The following PTGER4 variants were observed in gnomAD, a reference collection of about 807,000 sequenced individuals.
PTGER4 encodes the protein prostaglandin E receptor 4.
Under a neutral mutation model 33.2 loss-of-function variants are expected in PTGER4, and 11 were observed. The ratio of observed to expected loss-of-function variants is 0.33; its 90% CI spans 0.21 to 0.55. The LOEUF (loss-of-function observed/expected upper bound fraction) is 0.55, where lower values mean the gene tolerates loss of function less well. PTGER4 is among the 20% of genes least tolerant of loss of function. PTGER4 has a pLI of 0.92. For synonymous variants in PTGER4, 275 were observed against 281.5 expected, an observed-to-expected ratio of 0.98 and a Z score of 0.23; for missense variants, 481 against 650.2, an observed-to-expected ratio of 0.74 and a Z score of 2.83.
chr5:40,688,561 T>C (rs1430684042), intron 2 of PTGER4, among the ~76,000 whole-genome samples: 1 of 152,170 alleles, frequency 6.6e-6, no homozygotes, highest in Non-Finnish European at 1.5e-5. Context: ...AAAGGCAACA[T>C]GGAGGTCCAG....
the PTGER4 span, among the ~76,000 whole-genome samples, chr5:40,699,504 A>G: frequency 6.6e-6 from 1 of 152,162 alleles, no homozygotes; most frequent in Admixed American, 6.5e-5. Context: ...AACATTTTTT[A>G]TGAGGGCAAC....
At chr5:40,745,653 C>G in the PTGER4 span, among the ~76,000 whole-genome samples, 1 of 151,320 alleles carries the variant, frequency 6.6e-6, no homozygotes, top group African/African-American at 2.4e-5. Flanking sequence ...CCTCTCAAAG[C>G]ACAGAAATTA....
chr5:40,705,675 A>G, the PTGER4 span, among the ~76,000 whole-genome samples: 1 of 152,262 alleles, frequency 6.6e-6, no homozygotes, highest in African/African-American at 2.4e-5. Flanking sequence ...GGACATGAAC[A>G]GACACTTTTC....
chr5:40,731,548 G>A, the PTGER4 span, among the ~76,000 whole-genome samples: 3 of 152,202 alleles, frequency 2.0e-5, 1 homozygote, highest in Non-Finnish European at 2.9e-5. Context: ...ATGGAGGCAC[G>A]AGAGAGAAAT....
downstream of PTGER4, among the ~76,000 whole-genome samples, chr5:40,698,092 C>CAAAAAAAAAAAAAAAAA (rs1156254550): frequency 3.0e-4 from 12 of 40,048 alleles, no homozygotes; most frequent in Non-Finnish European, 3.7e-4. Flanking sequence ...CCTGTCTCTA[C>CAAAAAAAAAAAAAAAAA]AAAAAAAAAA....
In PTGER4 at chr5:40,693,320, T is replaced by A. The variant is rs1021780998; in HGVS notation, c.*942T>A. ...TAATTGAAGTGTATAATATAAAAAA[T>A]TTTAAAAATCTAAGCAGCTTATTGT... On this transcript the variant is annotated 3_prime_UTR_variant, in exon 3 of 3. Coordinates refer to ENST00000302472, the MANE Select transcript of PTGER4 (RefSeq NM_000958.3). 15 of 979,134 alleles carry A rather than the reference T, an allele frequency of 1.5e-5. No homozygotes were observed. The highest frequency in any genetic ancestry group is 4.7e-5 in the South Asian group (1 of 21,128). 60.7% of individuals were successfully genotyped at this position (979,134 alleles called of 1,614,324 possible).
Position 40,693,019 on chromosome 5 carries a change from TATA to T in PTGER4, c.*643_*645del. 5.6e-6 allele frequency: 5 copies of T among 899,474 alleles called. No individual in the cohort carries two copies. Among genetic ancestry groups the T allele is most frequent in the Non-Finnish European group, 6.7e-6 (5 of 751,574 alleles). 55.7% of individuals were successfully genotyped at this position (899,474 alleles called of 1,614,324 possible). On this transcript the variant is annotated 3_prime_UTR_variant, in exon 3 of 3. Transcript: ENST00000302472. ...GTAAGATTGATATCTATAAAATAGA[TATA>T]AATTTTTAAGAGAAAGAATTTAGTA...
the PTGER4 span, among the ~76,000 whole-genome samples, chr5:40,704,332 G>A: frequency 1.3e-5 from 2 of 152,070 alleles, no homozygotes; most frequent in South Asian, 2.1e-4. Context: ...AAGGAACAAA[G>A]CTCAAAATAG....
Position 40,691,745 on chromosome 5 carries a change from G to A in PTGER4, c.868-34G>A. ...TTATATGTTTTCCCAATTGATTAAT[G>A]ATGAAATCTAAATGTGCGATCTCAC... On this transcript the variant is annotated intron_variant, in intron 2 of 2. Coordinates refer to ENST00000302472, the MANE Select transcript of PTGER4 (RefSeq NM_000958.3). This position sits in a 1 kb window ranked among gnomAD's most constrained non-coding sequence, Gnocchi z 4.2. 6.3e-7 allele frequency: 1 copy of A among 1,580,112 alleles called. No homozygotes were observed. Among genetic ancestry groups the A allele is most frequent in the Non-Finnish European group, 8.6e-7 (1 of 1,163,766 alleles).
At chr5:40,727,717 A>G in the PTGER4 span, among the ~76,000 whole-genome samples, 1 of 152,202 alleles carries the variant, frequency 6.6e-6, no homozygotes, top group Non-Finnish European at 1.5e-5. Flanking sequence ...GTAATGATCC[A>G]AAGAACTAAG....
chr5:40,717,954 C>T, the PTGER4 span, among the ~76,000 whole-genome samples: 8 of 151,664 alleles, frequency 5.3e-5, no homozygotes, highest in South Asian at 1.0e-3. Flanking sequence ...CCCAGCTACT[C>T]GTGAGGCTGA....
At chr5:40,723,317 G>A in the PTGER4 span, among the ~76,000 whole-genome samples, 1 of 151,936 alleles carries the variant, frequency 6.6e-6, no homozygotes, top group Non-Finnish European at 1.5e-5. Context: ...AGGGTCCTCT[G>A]CCTAGGAAAA....
the PTGER4 span, among the ~76,000 whole-genome samples, chr5:40,731,835 C>A: frequency 6.6e-6 from 1 of 152,210 alleles, no homozygotes; most frequent in Admixed American, 6.5e-5. Context: ...TTCATGAAGA[C>A]CTCCTCCAGT....
At chr5:40,727,539 A>T in the PTGER4 span, among the ~76,000 whole-genome samples, 1 of 152,172 alleles carries the variant, frequency 6.6e-6, no homozygotes, top group Non-Finnish European at 1.5e-5. Flanking sequence ...TTTCATTTGC[A>T]CACATTTCTA....
chr5:40,716,088 T>A, the PTGER4 span: 2 of 1,406,970 alleles, frequency 1.4e-6, no homozygotes, highest in African/African-American at 1.4e-5. Flanking sequence ...TGTCTCTATG[T>A]CAAAACTTCA....
the PTGER4 span, among the ~76,000 whole-genome samples, chr5:40,736,529 C>G: frequency 6.6e-6 from 1 of 152,094 alleles, no homozygotes; most frequent in Non-Finnish European, 1.5e-5. Context: ...GGGACTAACA[C>G]CGTGACTCTT....
the PTGER4 span, among the ~76,000 whole-genome samples, chr5:40,729,506 A>G: frequency 1.3e-5 from 2 of 152,216 alleles, no homozygotes; most frequent in Non-Finnish European, 2.9e-5. Flanking sequence ...TTTTTAAGCT[A>G]TTAATAAAAT....
rs553528184 is a variant in PTGER4 at position 40,691,595 on chromosome 5, C to A, written c.868-184C>A. 6.6e-6 allele frequency among the ~76,000 whole-genome samples: 1 copy of A among 152,220 alleles called. No individual in the cohort carries two copies. The highest frequency in any genetic ancestry group is 2.1e-4 in the South Asian group (1 of 4,836). ...CCTCCCAAAGTGCTGGGATTACAGG[C>A]GTGAGCCACCGTGCCCAGCCCATGA... On this transcript the variant is annotated intron_variant, in intron 2 of 2. Coordinates refer to ENST00000302472, the MANE Select transcript of PTGER4 (RefSeq NM_000958.3). This position sits in a 1 kb window ranked among gnomAD's most constrained non-coding sequence, Gnocchi z 4.2.
intron 2 of PTGER4, among the ~76,000 whole-genome samples, chr5:40,689,899 T>C (rs1426592563): frequency 6.6e-6 from 1 of 152,188 alleles, no homozygotes; most frequent in Non-Finnish European, 1.5e-5. Flanking sequence ...CAATTATTTT[T>C]ATTTCTATAC....
Sources: gnomAD v4.1 joint callset for allele counts (sites outside exome capture counted in the v4.1 genomes callset) on GRCh38, gnomAD v4.1.1 for gene constraint, Gnocchi (gnomAD v3.1) non-coding constraint, MANE v1.5 for transcripts, NCBI Gene and HGNC (gene_info 2026-07-23, HGNC 2026-07-21) for gene names.